BACH1: variants seen among roughly 807,000 people sequenced by gnomAD.
BACH1 encodes the protein BTB domain and CNC homolog 1, also known as transcription regulator protein BACH1.
Under a neutral mutation model 52.9 loss-of-function variants are expected in BACH1, and 35 were observed. The ratio of observed to expected loss-of-function variants is 0.66; its 90% CI spans 0.51 to 0.88. The LOEUF (loss-of-function observed/expected upper bound fraction) is 0.88. BACH1 is among the 40% of genes least tolerant of loss of function. BACH1 has a pLI of 0.00. For synonymous variants in BACH1, 321 were observed against 319.6 expected (o/e 1.00, Z -0.05); for missense variants, 808 against 872.6 (o/e 0.93, Z 0.93).
At chr21:29,349,452 G>A (rs2089190035), downstream of BACH1, among the ~76,000 whole-genome samples, 1 of 152,184 alleles carries the variant, frequency 6.6e-6, no homozygotes, top group Non-Finnish European at 1.5e-5. Flanking sequence ...TGGGCGCTGG[G>A]CCTTTCCCTG....
chr21:29,315,977 T>G (rs376809882), intron 1 of BACH1, among the ~76,000 whole-genome samples: 1 of 152,010 alleles, frequency 6.6e-6, no homozygotes. Flanking sequence ...TATGGTAGCC[T>G]TTTTTTAAAA....
chr21:29,312,477 G>T (rs960518244), intron 1 of BACH1, among the ~76,000 whole-genome samples: 3 of 152,270 alleles, frequency 2.0e-5, no homozygotes, highest in Middle Eastern at 3.4e-3. Flanking sequence ...GAAGTAAAAT[G>T]GTCTCTGTTT....
intron 1 of BACH1, chr21:29,300,862 T>A (rs1189797046): frequency 6.6e-6 from 1 of 152,128 alleles, no homozygotes; most frequent in Non-Finnish European, 1.5e-5. Flanking sequence ...AATTAATAGG[T>A]CTCATTGGGT....
chr21:29,355,058 G>A (rs1482004302), intron 2 of BACH1, among the ~76,000 whole-genome samples: 2 of 152,218 alleles, frequency 1.3e-5, no homozygotes, highest in African/African-American at 4.8e-5. Flanking sequence ...CATGGAAGGG[G>A]ACCGGAGCGG....
chr21:29,334,596 C>T (rs1032316895), intron 4 of BACH1, among the ~76,000 whole-genome samples: 2 of 152,140 alleles, frequency 1.3e-5, no homozygotes, highest in East Asian at 1.9e-4. Flanking sequence ...AAGGGAGCCT[C>T]GCTTTTTGCA....
chr21:29,309,417 C>T (rs1326602090), intron 1 of BACH1, among the ~76,000 whole-genome samples: 1 of 152,154 alleles, frequency 6.6e-6, no homozygotes, highest in Non-Finnish European at 1.5e-5. Context: ...TCCATCCCTC[C>T]TCAGTTTTAC....
At chr21:29,337,465 T>C (rs1009554957) in intron 4 of BACH1, among the ~76,000 whole-genome samples, 4 of 152,228 alleles carry the variant, frequency 2.6e-5, no homozygotes, top group African/African-American at 9.7e-5. Flanking sequence ...AGTATAGAGC[T>C]TTTGTCTTCA....
At chr21:29,327,661 C>G (rs1429197301) in intron 3 of BACH1, among the ~76,000 whole-genome samples, 2 of 152,102 alleles carry the variant, frequency 1.3e-5, no homozygotes, top group African/African-American at 4.8e-5. Flanking sequence ...GAATCTCCGT[C>G]TCTACAAAAA....
chr21:29,341,997 T>C (rs1332913251), intron 4 of BACH1, among the ~76,000 whole-genome samples: 1 of 152,228 alleles, frequency 6.6e-6, no homozygotes, highest in Non-Finnish European at 1.5e-5. Flanking sequence ...AACCGTATGT[T>C]TGTCACAAAC....
intron 2 of BACH1, among the ~76,000 whole-genome samples, chr21:29,324,614 A>G (rs1028464187): frequency 1.4e-5 from 2 of 147,758 alleles, no homozygotes; most frequent in Admixed American, 6.7e-5. Context: ...CTTTTTACCT[A>G]TTGAAGGAAA....
chr21:29,320,401 C>T (rs2088834518), intron 1 of BACH1, among the ~76,000 whole-genome samples: 1 of 152,174 alleles, frequency 6.6e-6, no homozygotes, highest in East Asian at 1.9e-4. Context: ...GATAAGCATA[C>T]ACGTATTGGG....
Position 29,342,679 on chromosome 21 carries a change from G to A in BACH1, c.2057G>A (p.Gly686Glu), listed in dbSNP as rs538792166. The change falls in exon 5 of 5, where the codon GGA becomes GAA. Residue 686 changes from glycine to glutamate, a missense_variant. Physicochemically the swap from Gly to Glu is moderately conservative, Grantham distance 98. Transcript: ENST00000286800. ...GCAGTGCTGCCTCCCTGTGCCAGAG[G>A]AAACAGTGAGCCTGGCTACGCGCGA... is the stretch of plus-strand genomic sequence containing the variant. ...PPAVLPPCARGNSEPGYARGQ... is the reference protein window; with the variant it reads ...PPAVLPPCARENSEPGYARGQ... 8.1e-5 allele frequency: 131 copies of A among 1,614,196 alleles called. No homozygotes were observed. In the Middle Eastern group the frequency reaches 1.5e-3, roughly 18 times the overall value.
At chr21:29,299,177 C>A (rs1305087105) in intron 1 of BACH1, among the ~76,000 whole-genome samples, 1 of 151,572 alleles carries the variant, frequency 6.6e-6, no homozygotes, top group Non-Finnish European at 1.5e-5. Context: ...AGGGGCGTCC[C>A]GTCGGCGGCC....
chr21:29,340,680 T>C (rs1326819358), intron 4 of BACH1, among the ~76,000 whole-genome samples: 1 of 152,230 alleles, frequency 6.6e-6, no homozygotes, highest in Non-Finnish European at 1.5e-5. Flanking sequence ...TGGCTGAATA[T>C]TGCCATGAGT....
chr21:29,308,398 A>G (rs1208743473), intron 1 of BACH1, among the ~76,000 whole-genome samples: 1 of 152,210 alleles, frequency 6.6e-6, no homozygotes, highest in African/African-American at 2.4e-5. Context: ...TGAATAAAAC[A>G]GTTTCAAATT....
At position 29,321,266 on chromosome 21, in the gene BACH1, C is replaced by T; in HGVS notation, c.-15C>T. On this transcript the variant is annotated 5_prime_UTR_variant, in exon 2 of 5. Transcript: ENST00000286800. ...TGCTTTCCACTGAACTTCCCGACAA[C>T]ATTTGTTATGCAGAATGTCTCTGAG... The T allele has an allele frequency of 6.3e-7, 1 of 1,597,578 alleles. No individual in the cohort carries two copies. The highest frequency in any genetic ancestry group is 8.6e-7 in the Non-Finnish European group (1 of 1,165,210).
chr21:29,325,386 A>C (rs1020326909), intron 2 of BACH1, among the ~76,000 whole-genome samples: 2 of 152,182 alleles, frequency 1.3e-5, no homozygotes, highest in Non-Finnish European at 1.5e-5. Context: ...GGTTTAATGT[A>C]AATGTGCAAG....
intron 2 of BACH1, among the ~76,000 whole-genome samples, chr21:29,352,244 G>A (rs190085443): frequency 1.7e-3 from 261 of 151,896 alleles, no homozygotes; most frequent in South Asian, 2.5e-3. Context: ...TGGTAGAGAC[G>A]GGGTTTCACG....
intron 1 of BACH1, among the ~76,000 whole-genome samples, chr21:29,302,369 A>G (rs945823861): frequency 2.0e-5 from 3 of 152,224 alleles, no homozygotes; most frequent in African/African-American, 4.8e-5. Flanking sequence ...CCTGAAGCCC[A>G]GGCACCTGGC....
Sources: allele counts gnomAD v4.1 joint callset (sites outside exome capture counted in the v4.1 genomes callset), GRCh38; gene constraint gnomAD v4.1.1; transcripts MANE v1.5; gene names NCBI Gene and HGNC (gene_info 2026-07-23, HGNC 2026-07-21).